Variants in EXT1 observed in about 807,000 individuals in gnomAD.
EXT1 encodes exostosin glycosyltransferase 1, also known as exostosin-1.
A neutral mutation model predicts 82.5 loss-of-function variants in EXT1; 20 were observed. The ratio of observed to expected loss-of-function variants is 0.24; its 90% CI spans 0.17 to 0.35. EXT1 has a LOEUF of 0.35. Ranked by LOEUF, EXT1 falls within the 10% of genes least tolerant of loss-of-function variation. The probability of loss-of-function intolerance (pLI) is 1.00; values close to 1 mark genes in which losing one functional copy is unlikely to be tolerated. For synonymous variants in EXT1, 348 were observed against 350.8 expected (o/e 0.99, Z 0.09); for missense variants, 757 against 936.5 (o/e 0.81, Z 2.50).
At chr8:117,931,661 C>G (rs961211778) in intron 1 of EXT1, among the ~76,000 whole-genome samples, 2 of 152,208 alleles carry the variant, frequency 1.3e-5, no homozygotes, top group Admixed American at 6.5e-5. Context: ...TACCTATTTT[C>G]AAAAATATGC....
chr8:117,893,396 C>T (rs1260005346), intron 1 of EXT1, among the ~76,000 whole-genome samples: 2 of 152,170 alleles, frequency 1.3e-5, no homozygotes, highest in Non-Finnish European at 2.9e-5. Context: ...ACTGTTAATA[C>T]CACAGGGTTG....
intron 8 of EXT1, among the ~76,000 whole-genome samples, chr8:117,809,016 G>A (rs17474302): frequency 0.016 from 2,396 of 151,810 alleles, 72 homozygotes; most frequent in African/African-American, 0.053. Flanking sequence ...TTGGCTCCCT[G>A]GTTCTCAGGC....
Position 117,898,630 on chromosome 8 carries a change from T to C in EXT1, c.963-61429A>G, listed in dbSNP as rs554437515. Among the ~76,000 whole-genome samples the C allele has an allele frequency of 9.3e-4, 142 of 152,248 alleles. 1 individual carries two copies. The highest frequency in any genetic ancestry group is 1.8e-3 in the Non-Finnish European group (123 of 68,018). On this transcript the variant is annotated intron_variant, in intron 1 of 10. Transcript: ENST00000378204. ...AATGTGTGAATGGCTGTGGATCCCA[T>C]GAAGGTTTTTAAGTTAGAGCACAAA... is the stretch of plus-strand genomic sequence containing the variant.
intron 1 of EXT1, among the ~76,000 whole-genome samples, chr8:118,091,067 T>G (rs1817514833): frequency 6.6e-6 from 1 of 152,098 alleles, no homozygotes; most frequent in South Asian, 2.1e-4. Flanking sequence ...ATTAGGAAGT[T>G]GCTAGAGAGT....
chr8:117,988,874 C>G (rs1016899870), intron 1 of EXT1, among the ~76,000 whole-genome samples: 4 of 152,044 alleles, frequency 2.6e-5, no homozygotes, highest in Non-Finnish European at 4.4e-5. Flanking sequence ...CTAGGGGGCT[C>G]TCCTCTAAAA....
intron 1 of EXT1, among the ~76,000 whole-genome samples, chr8:118,005,646 A>C (rs2514726): frequency 0.97 from 147,854 of 152,336 alleles, 71,780 homozygotes; most frequent in East Asian, 1. Context: ...AGGATTTAAA[A>C]CTGGCAGACT....
intron 1 of EXT1, among the ~76,000 whole-genome samples, chr8:118,091,520 C>A (rs555557943): frequency 6.6e-6 from 1 of 152,010 alleles, no homozygotes; most frequent in African/African-American, 2.4e-5. Context: ...GGGCGGATCA[C>A]GAGGTCAGGA....
intron 1 of EXT1, among the ~76,000 whole-genome samples, chr8:117,867,509 A>T (rs535035147): frequency 1.8e-4 from 27 of 152,242 alleles, no homozygotes; most frequent in Admixed American, 5.9e-4. Flanking sequence ...TATGAATTGG[A>T]CTGGGATTAA....
chr8:117,822,089 A>G (rs1811933853), intron 5 of EXT1, among the ~76,000 whole-genome samples: 1 of 152,086 alleles, frequency 6.6e-6, no homozygotes, highest in Non-Finnish European at 1.5e-5. Flanking sequence ...TTGGTAAGGA[A>G]TAGAGATATT....
At chr8:118,021,124 G>A (rs1816096191) in intron 1 of EXT1, among the ~76,000 whole-genome samples, 1 of 152,152 alleles carries the variant, frequency 6.6e-6, no homozygotes, top group Non-Finnish European at 1.5e-5. Flanking sequence ...CATTTATTGT[G>A]CAAATATGAA....
At chr8:117,866,738 AACTATTTTCAGGTT>A (rs1812779536) in intron 1 of EXT1, among the ~76,000 whole-genome samples, 1 of 151,368 alleles carries the variant, frequency 6.6e-6, no homozygotes, top group African/African-American at 2.4e-5. Context: ...ATCTGTCTGA[AACTATTTTCAGGTT>A]GTATGAATCT....
At chr8:118,108,026 A>G (rs1817829750) in intron 1 of EXT1, among the ~76,000 whole-genome samples, 1 of 152,178 alleles carries the variant, frequency 6.6e-6, no homozygotes, top group African/African-American at 2.4e-5. Context: ...CTTTAAACAT[A>G]AACCAAAGTG....
intron 7 of EXT1, among the ~76,000 whole-genome samples, chr8:117,814,370 C>A (rs1265633563): frequency 6.6e-6 from 1 of 152,116 alleles, no homozygotes; most frequent in Middle Eastern, 3.4e-3. Flanking sequence ...CATAGAGGAA[C>A]TAACCATAAG....
chr8:117,908,679 C>T (rs1813586490), intron 1 of EXT1, among the ~76,000 whole-genome samples: 1 of 151,914 alleles, frequency 6.6e-6, no homozygotes, highest in African/African-American at 2.4e-5. Context: ...AAACAAAACA[C>T]ACACACACAA....
chr8:117,856,108 G>GTTAAAA (rs1480419974), intron 1 of EXT1, among the ~76,000 whole-genome samples: 14 of 152,172 alleles, frequency 9.2e-5, no homozygotes, highest in Non-Finnish European at 1.5e-4. Context: ...CTTGAAGGAA[G>GTTAAAA]TTAAAAGTGT....
intron 1 of EXT1, among the ~76,000 whole-genome samples, chr8:117,967,663 T>C (rs1814850199): frequency 6.6e-6 from 1 of 152,210 alleles, no homozygotes; most frequent in South Asian, 2.1e-4. Flanking sequence ...AGGGCAATCA[T>C]CCCCTTTAAT....
At chr8:118,065,358 AGAT>A (rs1816959704) in intron 1 of EXT1, among the ~76,000 whole-genome samples, 7 of 152,210 alleles carry the variant, frequency 4.6e-5, no homozygotes, top group Admixed American at 4.6e-4. Context: ...ACCAACAAAC[AGAT>A]AACATTTCAG....
chr8:117,871,547 G>A (rs1382602107), intron 1 of EXT1, among the ~76,000 whole-genome samples: 1 of 152,162 alleles, frequency 6.6e-6, no homozygotes, highest in African/African-American at 2.4e-5. Context: ...ATCTGACACT[G>A]AACCATATAC....
At chr8:117,989,297 T>C (rs1228275638) in intron 1 of EXT1, among the ~76,000 whole-genome samples, 2 of 150,246 alleles carry the variant, frequency 1.3e-5, no homozygotes, top group Non-Finnish European at 3.0e-5. Flanking sequence ...GCCACATTAC[T>C]ATGGTCTGGA....
Sources: allele counts gnomAD v4.1 joint callset (sites outside exome capture counted in the v4.1 genomes callset), GRCh38; gene constraint gnomAD v4.1.1; transcripts MANE v1.5; gene names NCBI Gene and HGNC (gene_info 2026-07-23, HGNC 2026-07-21).